AGO3: variants seen among roughly 807,000 people sequenced by gnomAD.
AGO3 encodes the protein protein argonaute-3.
A neutral mutation model predicts 105.5 loss-of-function variants in AGO3; 16 were observed. The observed-to-expected ratio is 0.15, with a 90% CI of 0.10 to 0.23. AGO3 has a LOEUF of 0.23. Ranked by LOEUF, AGO3 falls within the 10% of genes least tolerant of loss-of-function variation. The pLI is 1.00. For synonymous variants in AGO3, 340 were observed against 367.3 expected (o/e 0.93, Z 0.85); for missense variants, 534 against 1,088.0 (o/e 0.49, Z 7.16).
At chr1:35,974,589 A>G (rs1014857701) in intron 5 of AGO3, among the ~76,000 whole-genome samples, 1 of 152,134 alleles carries the variant, frequency 6.6e-6, no homozygotes, top group Non-Finnish European at 1.5e-5. Flanking sequence ...AGTGGTCCCA[A>G]TTTTAGTGAT....
At chr1:36,030,228 G>A (rs1006681272) in intron 12 of AGO3, among the ~76,000 whole-genome samples, 6 of 152,108 alleles carry the variant, frequency 3.9e-5, no homozygotes, top group Admixed American at 3.9e-4. Context: ...CAGGCCAGAT[G>A]CAGTGGCTTA....
Position 35,931,461 on chromosome 1 carries a change from T to A in AGO3, c.19+16T>A. 1 of 1,506,232 alleles carries A rather than the reference T, an allele frequency of 6.6e-7. No individual in the cohort carries two copies. Among genetic ancestry groups the A allele is most frequent in the Non-Finnish European group, 8.9e-7 (1 of 1,125,776 alleles). 93.3% of individuals were successfully genotyped at this position (1,506,232 alleles called of 1,614,324 possible). ...GGCTCCGCAGGTGAGTCAGAGTAGC[T>A]GGGCCAGGTAGGGGATGTCACCCAG... is the stretch of plus-strand genomic sequence containing the variant. On this transcript the variant is annotated intron_variant, in intron 1 of 18. Coordinates refer to ENST00000373191, the MANE Select transcript of AGO3 (RefSeq NM_024852.4).
At chr1:35,951,183 T>G (rs1331398203) in intron 2 of AGO3, among the ~76,000 whole-genome samples, 4 of 152,216 alleles carry the variant, frequency 2.6e-5, no homozygotes, top group African/African-American at 9.6e-5. Context: ...ACTCCTGACC[T>G]CAGGTGATCC....
In AGO3 at chr1:35,989,395, T is replaced by C. The variant is rs908483102; in HGVS notation, c.659-14946T>C. ...TCAACATCTCTGAAATTGGGAGATA[T>C]CTTACAATTGATGGTTTGTCACAGT... On this transcript the variant is annotated intron_variant, in intron 5 of 18. Transcript: ENST00000373191. Among the ~76,000 whole-genome samples the C allele has an allele frequency of 1.1e-4, 17 of 152,346 alleles. No individual in the cohort carries two copies. The South Asian group carries it at 2.5e-3, about 22-fold the overall frequency.
intron 9 of AGO3, among the ~76,000 whole-genome samples, chr1:36,009,938 T>C (rs1316222262): frequency 7.3e-6 from 1 of 137,816 alleles, no homozygotes; most frequent in African/African-American, 2.7e-5. Context: ...AATTCTTTTT[T>C]TTTTTTTTTT....
chr1:36,018,317 C>G (rs1039795118), intron 11 of AGO3, among the ~76,000 whole-genome samples: 6 of 146,128 alleles, frequency 4.1e-5, no homozygotes, highest in Non-Finnish European at 9.1e-5. Flanking sequence ...AGGAGTTGAC[C>G]AGTGCTCTGT....
At position 35,995,484 on chromosome 1, in the gene AGO3, C is replaced by G. The variant is rs889977803; in HGVS notation, c.659-8857C>G. Among the ~76,000 whole-genome samples, 16 of 151,660 alleles carry G rather than the reference C, an allele frequency of 1.1e-4. 1 individual carries two copies. The highest frequency in any genetic ancestry group is 3.9e-4 in the African/African-American group (16 of 41,312). On this transcript the variant is annotated intron_variant, in intron 5 of 18. Coordinates refer to ENST00000373191, the MANE Select transcript of AGO3 (RefSeq NM_024852.4). Reference sequence around the variant, plus strand: ...AGCTGGTTGATTTTTGGCAAAGGGCCCAACATAATAGAATGCCAAAAAGGT... The same window carrying G: ...AGCTGGTTGATTTTTGGCAAAGGGCGCAACATAATAGAATGCCAAAAAGGT...
chr1:35,984,819 GT>G (rs1455546771), intron 5 of AGO3, among the ~76,000 whole-genome samples: 1 of 152,188 alleles, frequency 6.6e-6, no homozygotes, highest in African/African-American at 2.4e-5. Context: ...GTAGTAGTAT[GT>G]GATATCTTAG....
chr1:36,027,409 T>G lies in AGO3; in HGVS notation c.1591+111T>G. The G allele has an allele frequency of 9.7e-7, 1 of 1,032,330 alleles. No individual in the cohort carries two copies. Among genetic ancestry groups the G allele is most frequent in the Non-Finnish European group, 1.3e-6 (1 of 749,136 alleles). The allele number at this position is 1,032,330 out of a possible 1,614,324, so 63.9% of individuals were successfully genotyped here. A position where few individuals can be genotyped will look rare whatever the true frequency, so the allele number is the denominator to read the frequency against. ...TATTAAAATATATTTTATGATACAG[T>G]ATTTAAAACCATGTATTATTACTTG... is the stretch of plus-strand genomic sequence containing the variant. On this transcript the variant is annotated intron_variant, in intron 12 of 18. Transcript: ENST00000373191. The surrounding 1 kb of genome is among the most constrained non-coding windows in gnomAD (Gnocchi z 4.0).
chr1:36,033,399 G>A (rs1295845329), intron 12 of AGO3, among the ~76,000 whole-genome samples: 2 of 151,736 alleles, frequency 1.3e-5, no homozygotes, highest in Non-Finnish European at 2.9e-5. Flanking sequence ...CAACACTTTG[G>A]GAGGCTGGAG....
intron 17 of AGO3, among the ~76,000 whole-genome samples, chr1:36,049,507 G>C (rs1403492888): frequency 6.7e-6 from 1 of 149,840 alleles, no homozygotes; most frequent in Admixed American, 6.7e-5. Flanking sequence ...ACAGAGCAAG[G>C]CTCTATCTCA....
At chr1:35,942,820 A>G (rs761967016) in intron 1 of AGO3, among the ~76,000 whole-genome samples, 2 of 152,202 alleles carry the variant, frequency 1.3e-5, no homozygotes, top group Non-Finnish European at 1.5e-5. Context: ...TGTGCAGCCA[A>G]TCTGCACAAC....
intron 1 of AGO3, among the ~76,000 whole-genome samples, chr1:35,939,333 AATT>A (rs1456275271): frequency 1.3e-5 from 2 of 152,102 alleles, no homozygotes; most frequent in Non-Finnish European, 2.9e-5. Context: ...CTTTGTGCCA[AATT>A]ATTTAAAAAG....
intron 1 of AGO3, among the ~76,000 whole-genome samples, chr1:35,938,483 A>G (rs577667976): frequency 2.0e-5 from 3 of 152,244 alleles, no homozygotes; most frequent in Non-Finnish European, 4.4e-5. Context: ...ATTGTTTCTA[A>G]CCTTCTTTTT....
chr1:36,011,954 G>A (rs1640634220), intron 9 of AGO3, among the ~76,000 whole-genome samples: 1 of 152,158 alleles, frequency 6.6e-6, no homozygotes, highest in African/African-American at 2.4e-5. Flanking sequence ...AGTTGTTATA[G>A]TATAGTCGTC....
intron 2 of AGO3, among the ~76,000 whole-genome samples, chr1:35,947,813 C>G (rs532167471): frequency 6.6e-6 from 1 of 152,254 alleles, no homozygotes; most frequent in South Asian, 2.1e-4. Context: ...CATAGAGATT[C>G]CCTTTTTCTT....
At chr1:36,018,131 G>A (rs928429063) in intron 11 of AGO3, among the ~76,000 whole-genome samples, 4 of 150,872 alleles carry the variant, frequency 2.7e-5, no homozygotes, top group Non-Finnish European at 5.9e-5. Context: ...GTACCACCAC[G>A]CCCAACTAAT....
In AGO3 at chr1:36,038,878, A is replaced by G. The variant is rs181510681; in HGVS notation, c.1843-912A>G. On this transcript the variant is annotated intron_variant, in intron 14 of 18. Coordinates refer to ENST00000373191, the MANE Select transcript of AGO3 (RefSeq NM_024852.4). The stretch of plus-strand genomic sequence containing the variant: ...GCCAAGAGGGAAAATTCTGATTTTA[A>G]AATTTATGAAGCGTAACAGTTCTAA... Among the ~76,000 whole-genome samples, 1,252 of 152,342 alleles carry G rather than the reference A, an allele frequency of 8.2e-3. 25 individuals carry two copies. The highest frequency in any genetic ancestry group is 0.027 in the African/African-American group (1,125 of 41,580).
chr1:36,003,709 A>AAT (rs1235994406), intron 5 of AGO3, among the ~76,000 whole-genome samples: 1,448 of 99,238 alleles, frequency 0.015, 39 homozygotes, highest in South Asian at 0.025. Flanking sequence ...AAAAAAAAAA[A>AAT]ATATATATAT....
Sources: allele counts gnomAD v4.1 joint callset (sites outside exome capture counted in the v4.1 genomes callset), GRCh38; gene constraint gnomAD v4.1.1; non-coding constraint Gnocchi (gnomAD v3.1); transcripts MANE v1.5; gene names NCBI Gene and HGNC (gene_info 2026-07-23, HGNC 2026-07-21).